Variants in SEPTIN3 observed in about 807,000 individuals in gnomAD.
SEPTIN3 encodes the protein septin 3.
Under a neutral mutation model 45.1 loss-of-function variants are expected in SEPTIN3, and 15 were observed. The ratio of observed to expected loss-of-function variants is 0.33; its 90% CI spans 0.22 to 0.51. The LOEUF (loss-of-function observed/expected upper bound fraction) is 0.51, where lower values mean the gene tolerates loss of function less well. Among genes scored for constraint, SEPTIN3 ranks in the 20% least tolerant of loss-of-function variants. The pLI is 0.97. For missense variants in SEPTIN3, 289 were observed against 457.2 expected, an observed-to-expected ratio of 0.63 and a Z score of 3.35; for synonymous variants, 148 against 164.8, an observed-to-expected ratio of 0.90 and a Z score of 0.78.
chr22:41,992,820 T>C, intron 9 of SEPTIN3, 57 bp downstream of exon 9: 1 of 1,191,658 alleles, frequency 8.4e-7, no homozygotes, highest in South Asian at 1.3e-5. Flanking sequence ...CAGTCACCAT[T>C]TATTAAGCAT....
chr22:41,978,899 A>AGGAGGG, intron 2 of SEPTIN3, among the ~76,000 whole-genome samples: 1 of 134,658 alleles, frequency 7.4e-6, no homozygotes, highest in Admixed American at 7.5e-5. Context: ...ATGCTGGAGG[A>AGGAGGG]GGAGGAGGAG....
intron 9 of SEPTIN3, among the ~76,000 whole-genome samples, chr22:41,993,390 T>A (rs2078356438): frequency 6.6e-6 from 1 of 151,840 alleles, no homozygotes; most frequent in African/African-American, 2.4e-5. Context: ...AGTGGCGCAA[T>A]CTCAGCTCAC....
At chr22:41,988,377 G>A (rs1482432760) in intron 6 of SEPTIN3, among the ~76,000 whole-genome samples, 1 of 152,118 alleles carries the variant, frequency 6.6e-6, no homozygotes, top group Non-Finnish European at 1.5e-5. Flanking sequence ...ACAGGCAGAG[G>A]ATGGAGATCC....
chr22:41,994,591 G>A lies in SEPTIN3; in HGVS notation c.2412-30G>A, dbSNP rs369573790. On this transcript the variant is annotated intron_variant, in intron 10 of 11. Transcript: ENST00000644076. The surrounding 1 kb of genome is among the most constrained non-coding windows in gnomAD (Gnocchi z 4.2). ...CCTCCTCTTCCTGCCCCTAATTGCAGCCCTCTTCTTCTCACCCTGTGTCCT... is the reference window on the plus strand; with the variant it reads ...CCTCCTCTTCCTGCCCCTAATTGCAACCCTCTTCTTCTCACCCTGTGTCCT... 6.2e-7 allele frequency: 1 copy of A among 1,613,464 alleles called. No homozygotes were observed. Among genetic ancestry groups the A allele is most frequent in the Admixed American group, 1.7e-5 (1 of 60,004 alleles).
chr22:41,996,770 T>C, intron 11 of SEPTIN3, 132 bp from the exon 12 acceptor site: 1 of 1,525,006 alleles, frequency 6.6e-7, no homozygotes, highest in South Asian at 1.3e-5. Flanking sequence ...GAGGTGGGCG[T>C]TGGAAAGGCT....
Position 41,994,235 on chromosome 22 carries a change from G to C in SEPTIN3, c.2360-55G>C, listed in dbSNP as rs995441081. 1.3e-5 allele frequency: 20 copies of C among 1,554,018 alleles called. No individual in the cohort carries two copies. The highest frequency in any genetic ancestry group is 1.8e-5 in the Non-Finnish European group (20 of 1,129,684). ...CCAAACAGAAGCTCACCTCCTGGGT[G>C]TTGCTGTATTAATGAACTGACTACC... is the stretch of plus-strand genomic sequence containing the variant. On this transcript the variant is annotated intron_variant, in intron 9 of 11. Coordinates refer to ENST00000644076, the MANE Select transcript of SEPTIN3 (RefSeq NM_001363845.2). This position sits in a 1 kb window ranked among gnomAD's most constrained non-coding sequence, Gnocchi z 4.2.
rs1009248799 is a variant in SEPTIN3, at chr22:41,976,794, A to G, written c.1504+3798A>G. The G allele has an allele frequency of 1.3e-5, 2 of 148,516 alleles. No individual in the cohort carries two copies. The highest frequency in any genetic ancestry group is 6.7e-5 in the Admixed American group (1 of 14,842). 9.2% of individuals were successfully genotyped at this position (148,516 alleles called of 1,614,324 possible). ...CGCGCGGTCACGTGGTGCGGGTGGC[A>G]GCGGCGGCGGCTGGCGGCGGCGGCA... On this transcript the variant is annotated intron_variant, in intron 2 of 11. Transcript: ENST00000644076. This position sits in a 1 kb window ranked among gnomAD's most constrained non-coding sequence, Gnocchi z 5.8.
Position 41,987,748 on chromosome 22 carries a change from C to T in SEPTIN3, c.2034C>T (p.Pro678=). ...ACTGCTGCCTTTACTTCATCTCTCC[C>T]ACAGGACACTCGTATGTACCAACCC... is the stretch of plus-strand genomic sequence containing the variant. ...RVHCCLYFIS[P]TGHSLRPLDL... The change falls in exon 6 of 12, where the codon CCC becomes CCT. Residue 678 remains proline, a synonymous_variant. Coordinates refer to ENST00000644076, the MANE Select transcript of SEPTIN3 (RefSeq NM_001363845.2). 1 of 1,613,640 alleles carries T rather than the reference C, an allele frequency of 6.2e-7. No homozygotes were observed. The highest frequency in any genetic ancestry group is 8.5e-7 in the Non-Finnish European group (1 of 1,179,644).
At chr22:41,977,081 C>T in intron 2 of SEPTIN3, 1 of 1,598,024 alleles carries the variant, frequency 6.3e-7, no homozygotes. Flanking sequence ...AAAGGTAGGG[C>T]GGCCGGCCAG....
At chr22:41,977,027 G>A (rs776383004) in intron 2 of SEPTIN3, 1 of 1,590,594 alleles carries the variant, frequency 6.3e-7, no homozygotes, top group South Asian at 1.1e-5. Flanking sequence ...CCCGCGCCCG[G>A]AGCATCTCCC....
intron 7 of SEPTIN3, among the ~76,000 whole-genome samples, chr22:41,989,931 G>T (rs2146712574): frequency 6.6e-6 from 1 of 152,194 alleles, no homozygotes; most frequent in South Asian, 2.1e-4. Flanking sequence ...TACCTGTGAA[G>T]ACCACTGAAT....
Position 41,976,973 on chromosome 22 carries a change from G to A in SEPTIN3, c.1504+3977G>A. Reference sequence around the variant, plus strand: ...GAAGGGGCGAGGCCCGTTTGCAGGGGCCGCTCGGCCCGGGGAAGCCCGCGC... The same window carrying A: ...GAAGGGGCGAGGCCCGTTTGCAGGGACCGCTCGGCCCGGGGAAGCCCGCGC... On this transcript the variant is annotated intron_variant, in intron 2 of 11. Transcript: ENST00000644076. This position sits in a 1 kb window ranked among gnomAD's most constrained non-coding sequence, Gnocchi z 5.8. 7.3e-7 allele frequency: 1 copy of A among 1,374,992 alleles called. No individual in the cohort carries two copies. The allele number at this position is 1,374,992 out of a possible 1,614,324, so 85.2% of individuals were successfully genotyped here. A position where few individuals can be genotyped will look rare whatever the true frequency, so the allele number is the denominator to read the frequency against.
chr22:41,991,811 T>C (rs2078322798), intron 8 of SEPTIN3, 143 bp downstream of exon 8: 1 of 681,722 alleles, frequency 1.5e-6, no homozygotes, highest in Admixed American at 2.2e-5. Context: ...CATAGGGGGA[T>C]GGGGAGGACT....
In SEPTIN3 at chr22:41,982,739, A is replaced by G. The variant is rs1168411174; in HGVS notation, c.1696+903A>G. Among the ~76,000 whole-genome samples, 3 of 151,304 alleles carry G rather than the reference A, an allele frequency of 2.0e-5. No individual in the cohort carries two copies. In the East Asian group the frequency reaches 5.9e-4, roughly 30 times the overall value. Reference sequence around the variant, plus strand: ...CCCTGTCTCTATTAAAAATACAAAAAAATTAGCTGGGCATGATGGCACATG... The same window carrying G: ...CCCTGTCTCTATTAAAAATACAAAAGAATTAGCTGGGCATGATGGCACATG... On this transcript the variant is annotated intron_variant, in intron 3 of 11. Transcript: ENST00000644076.
Position 41,972,904 on chromosome 22 carries a change from G to A in SEPTIN3, c.1412G>A (p.Ser471Asn), listed in dbSNP as rs1481702708. 1 of 399,162 alleles carries A rather than the reference G, an allele frequency of 2.5e-6. No homozygotes were observed. Among genetic ancestry groups the A allele is most frequent in the African/African-American group, 2.1e-5 (1 of 48,654 alleles). The allele number at this position is 399,162 out of a possible 1,614,324, so 24.7% of individuals were successfully genotyped here. Residue 471 changes from serine to asparagine, a missense_variant, in exon 2 of 12, where the codon AGC (serine) becomes AAC (asparagine). By Grantham distance (46) the Ser-to-Asn change is conservative. This residue lies in a region of SEPTIN3 where 200 missense variants were observed against 315.1 expected (regional missense o/e 0.63). Coordinates refer to ENST00000644076, the MANE Select transcript of SEPTIN3 (RefSeq NM_001363845.2). ...SDVATCLLMP[S>N]RSTDLALDNT... ...GTTGCTACATGCCTGCTAATGCCAA[G>A]CAGATCCACAGACCTAGCCCTGGAC...
chr22:41,978,176 G>C (rs750305225), intron 2 of SEPTIN3, among the ~76,000 whole-genome samples: 1 of 152,308 alleles, frequency 6.6e-6, no homozygotes, highest in Admixed American at 6.5e-5. Context: ...TTGCTCACTG[G>C]GGGGTCAGCT....
rs968144712 is a variant in SEPTIN3 at position 41,991,562 on chromosome 22, C to T, written c.2164-11C>T. On this transcript the variant is annotated splice_polypyrimidine_tract_variant and intron_variant, in intron 7 of 11. Transcript: ENST00000644076. ...ACACTTGACTACCTTGTTTCTTCTCCTCGCCTCTAGGTTCGCAAGGAGCTT... is the reference window on the plus strand; with the variant it reads ...ACACTTGACTACCTTGTTTCTTCTCTTCGCCTCTAGGTTCGCAAGGAGCTT... 3.1e-6 allele frequency: 5 copies of T among 1,598,188 alleles called. No individual in the cohort carries two copies. The highest frequency in any genetic ancestry group is 4.3e-6 in the Non-Finnish European group (5 of 1,165,616).
intron 2 of SEPTIN3, among the ~76,000 whole-genome samples, chr22:41,974,620 G>A (rs556802319): frequency 6.8e-6 from 1 of 146,460 alleles, no homozygotes. Context: ...CCGAGATTGC[G>A]CCACTGCAAT....
chr22:41,976,353 T>C lies in SEPTIN3; in HGVS notation c.1504+3357T>C, dbSNP rs561050603. The C allele has an allele frequency of 6.6e-6, 1 of 152,412 alleles. No individual in the cohort carries two copies. Among genetic ancestry groups the C allele is most frequent in the South Asian group, 2.1e-4 (1 of 4,834 alleles). The allele number at this position is 152,412 out of a possible 1,614,324, so 9.4% of individuals were successfully genotyped here. On this transcript the variant is annotated intron_variant, in intron 2 of 11. Transcript: ENST00000644076. This position sits in a 1 kb window ranked among gnomAD's most constrained non-coding sequence, Gnocchi z 5.8. ...ATGCTGTCCATTAGTATCCACTGAATGCGTGAAATTTTTTTCTAATGGGCA... is the reference window on the plus strand; with the variant it reads ...ATGCTGTCCATTAGTATCCACTGAACGCGTGAAATTTTTTTCTAATGGGCA...
Sources: allele counts gnomAD v4.1 joint callset (sites outside exome capture counted in the v4.1 genomes callset), GRCh38; gene constraint gnomAD v4.1.1; regional missense constraint gnomAD v4.1.1; non-coding constraint Gnocchi (gnomAD v3.1); transcripts MANE v1.5; gene names NCBI Gene and HGNC (gene_info 2026-07-23, HGNC 2026-07-21).